Variants in MAP4 observed in about 807,000 individuals in gnomAD.
The protein encoded by MAP4 is microtubule-associated protein 4.
A neutral mutation model predicts 170.2 loss-of-function variants in MAP4; 76 were observed. The ratio of observed to expected loss-of-function variants is 0.45; its 90% CI spans 0.37 to 0.54. The LOEUF (loss-of-function observed/expected upper bound fraction) is 0.54. MAP4 is among the 20% of genes least tolerant of loss of function. The pLI is 0.00. For synonymous variants in MAP4, 909 were observed against 994.5 expected, an observed-to-expected ratio of 0.91 and a Z score of 1.62; for missense variants, 2,506 against 2,748.0, an observed-to-expected ratio of 0.91 and a Z score of 1.97.
rs559613120 is a variant in MAP4, at chr3:47,914,851, G to T, written c.1965C>A (p.Asn655Lys). ...CTGAAGAAAGCTCAGAAGGTTGACT[G>T]TTGCATGGTTTCCTTTCCCCTAGTT... ...LEKLGERKPC[N>K]SQPSELSSET... is the part of the protein sequence containing the mutation. Residue 655 changes from asparagine (N) to lysine (K), a missense_variant, in exon 8 of 21, where the codon AAC becomes AAA. Asn to Lys is a moderately conservative substitution (Grantham distance 94, BLOSUM62 0). This residue lies in a region of MAP4 where 2,008 missense variants were observed against 2,206.0 expected (regional missense o/e 0.91). Coordinates refer to ENST00000683076, the MANE Select transcript of MAP4 (RefSeq NM_001385682.1). The T allele has an allele frequency of 6.2e-7, 1 of 1,614,138 alleles. No homozygotes were observed. Among genetic ancestry groups the T allele is most frequent in the Non-Finnish European group, 8.5e-7 (1 of 1,180,022 alleles).
intron 1 of MAP4, among the ~76,000 whole-genome samples, chr3:48,024,983 C>G: frequency 6.8e-6 from 1 of 146,240 alleles, no homozygotes. Flanking sequence ...AGCAGGGTCT[C>G]ACTCTGGTGT....
In MAP4 at chr3:47,853,549, G is replaced by A. The variant is rs191222978; in HGVS notation, c.6697-197C>T. ...CACCTCACCTGGGAGACCGACTCCC[G>A]AGGGTCAGGAGCAGCTGGACCAGTG... is the stretch of plus-strand genomic sequence containing the variant. On this transcript the variant is annotated intron_variant, in intron 19 of 20. Transcript: ENST00000683076. Among the ~76,000 whole-genome samples, 12 of 111,214 alleles carry A rather than the reference G, an allele frequency of 1.1e-4. No individual in the cohort carries two copies. The East Asian group carries it at 2.4e-3, about 23-fold the overall frequency. 73.0% of individuals were successfully genotyped at this position (111,214 alleles called of 152,430 possible). A position where few individuals can be genotyped will look rare whatever the true frequency, so the allele number is the denominator to read the frequency against.
chr3:47,891,102 G>C lies in MAP4; in HGVS notation c.5434+11848C>G, dbSNP rs1030171158. The C allele has an allele frequency of 2.6e-6, 4 of 1,535,940 alleles. No homozygotes were observed. The African/African-American group carries it at 5.5e-5, about 21-fold the overall frequency. ...ACCTCAATTTCTTTCTTCCCTGCCA[G>C]AGCCGTCTGTCCTGGCTGTTTCTCT... On this transcript the variant is annotated intron_variant, in intron 10 of 20. Transcript: ENST00000683076.
intron 3 of MAP4, among the ~76,000 whole-genome samples, chr3:47,966,766 C>T (rs947635089): frequency 6.6e-6 from 1 of 152,126 alleles, no homozygotes; most frequent in South Asian, 2.1e-4. Flanking sequence ...GTCCTGGTAC[C>T]GTTGTCTAAA....
At chr3:48,045,352 A>C (rs2100123908) in intron 1 of MAP4, among the ~76,000 whole-genome samples, 1 of 152,126 alleles carries the variant, frequency 6.6e-6, no homozygotes, top group African/African-American at 2.4e-5. Flanking sequence ...CTAATCATTA[A>C]TGCACTAAAG....
intron 1 of MAP4, among the ~76,000 whole-genome samples, chr3:48,053,570 C>T (rs1180436259): frequency 6.6e-6 from 1 of 152,100 alleles, no homozygotes; most frequent in Non-Finnish European, 1.5e-5. Context: ...TAAATACCTA[C>T]CCAAATACCC....
chr3:48,003,453 CA>C (rs201694525), intron 1 of MAP4, among the ~76,000 whole-genome samples: 1,502 of 111,810 alleles, frequency 0.013, 10 homozygotes, highest in African/African-American at 0.046. Flanking sequence ...GACTCCTTCT[CA>C]AAAAAAAAAA....
At chr3:47,918,653 T>C in intron 6 of MAP4, 66 bp downstream of exon 6, 2 of 1,285,780 alleles carry the variant, frequency 1.6e-6, no homozygotes, top group Non-Finnish European at 2.2e-6. Context: ...AAAATACACC[T>C]GATGATTTAT....
At chr3:48,040,384 T>G (rs1005695424) in intron 1 of MAP4, among the ~76,000 whole-genome samples, 2 of 152,114 alleles carry the variant, frequency 1.3e-5, no homozygotes, top group African/African-American at 4.8e-5. Flanking sequence ...TTCTCCTGCC[T>G]CAGCCTCCCG....
intron 2 of MAP4, among the ~76,000 whole-genome samples, chr3:47,985,919 A>T (rs558585685): frequency 6.6e-6 from 1 of 152,364 alleles, no homozygotes; most frequent in Non-Finnish European, 1.5e-5. Context: ...GATCTCTATC[A>T]TCGTATTCTT....
intron 1 of MAP4, among the ~76,000 whole-genome samples, chr3:48,084,404 A>C (rs1472440817): frequency 6.6e-6 from 1 of 150,676 alleles, no homozygotes; most frequent in Admixed American, 6.6e-5. Context: ...AAAAAAAAAA[A>C]GGAAAAAGAA....
chr3:47,908,985 G>T, intron 9 of MAP4, 53 bp downstream of exon 9: 1 of 1,553,656 alleles, frequency 6.4e-7, no homozygotes, highest in Non-Finnish European at 8.7e-7. Flanking sequence ...TTGCCTTTCT[G>T]ATGCTGACTC....
In MAP4 at chr3:47,910,498, G is replaced by A; in HGVS notation, c.3923C>T (p.Thr1308Ile). ...LGTLGENKIS[T>I]VKASTVTEPP... ...TTCAGTAACAGTAGAAGCCTTGACT[G>A]TGCTTATCTTGTTTTCCCCAAGAGT... Residue 1308 changes from threonine (T) to isoleucine (I), a missense_variant, in exon 9 of 21, where the codon ACA becomes ATA. Physicochemically the swap from Thr to Ile is moderately conservative, Grantham distance 89 (BLOSUM62 -1). This residue lies in a region of MAP4 where 2,008 missense variants were observed against 2,206.0 expected (regional missense o/e 0.91). Coordinates refer to ENST00000683076, the MANE Select transcript of MAP4 (RefSeq NM_001385682.1). The A allele has an allele frequency of 6.5e-7, 1 of 1,536,008 alleles. No individual in the cohort carries two copies.
At chr3:48,025,329 T>C (rs1350881352) in intron 1 of MAP4, among the ~76,000 whole-genome samples, 1 of 150,402 alleles carries the variant, frequency 6.6e-6, no homozygotes, top group African/African-American at 2.5e-5. Context: ...GTCTCTGTCA[T>C]GCAGGCTAGA....
intron 1 of MAP4, among the ~76,000 whole-genome samples, chr3:48,036,951 A>G (rs1412435144): frequency 3.3e-5 from 5 of 152,236 alleles, no homozygotes; most frequent in African/African-American, 1.2e-4. Context: ...TACAGCCTGA[A>G]AAGTATTCTG....
At chr3:47,870,697 T>C (rs1379135227) in intron 15 of MAP4, 116 bp downstream of exon 15, 1 of 1,092,956 alleles carries the variant, frequency 9.1e-7, no homozygotes, top group Admixed American at 3.2e-5. Flanking sequence ...AATACCCTGA[T>C]GCTGAGTCCA....
chr3:47,892,477 G>A (rs1305913765), intron 10 of MAP4: 3 of 1,529,794 alleles, frequency 2.0e-6, no homozygotes, highest in Non-Finnish European at 2.6e-6. Flanking sequence ...CTGTCTGCTT[G>A]TCTGAGAGCG....
chr3:48,014,911 C>T (rs6766352), intron 1 of MAP4, among the ~76,000 whole-genome samples: 152,017 of 152,250 alleles, frequency 1, 75,892 homozygotes, highest in Middle Eastern at 1. Flanking sequence ...TGTCTGAGTT[C>T]TTGGTTCTGG....
At chr3:47,967,377 G>A (rs1172745667) in intron 3 of MAP4, among the ~76,000 whole-genome samples, 2 of 152,120 alleles carry the variant, frequency 1.3e-5, no homozygotes, top group African/African-American at 4.8e-5. Context: ...TTTAGGCTGG[G>A]TGCAGTGGCT....
Sources: gnomAD v4.1 joint callset for allele counts (sites outside exome capture counted in the v4.1 genomes callset) on GRCh38, gnomAD v4.1.1 for gene constraint, gnomAD v4.1.1 regional missense constraint, MANE v1.5 for transcripts, NCBI Gene and HGNC (gene_info 2026-07-23, HGNC 2026-07-21) for gene names.